The following MAP3K13 variants were observed in gnomAD, a reference collection of about 807,000 sequenced individuals.
MAP3K13 encodes leucine zipper-bearing kinase.
In MAP3K13, 52 loss-of-function variants were observed where a neutral mutation model predicts 104.0. The ratio of observed to expected loss-of-function variants is 0.50; its 90% confidence interval spans 0.40 to 0.63. The LOEUF (loss-of-function observed/expected upper bound fraction) is 0.63. Ranked by LOEUF, MAP3K13 falls within the 20% of genes least tolerant of loss-of-function variation. The pLI, the probability that MAP3K13 is intolerant of heterozygous loss-of-function variation, is 0.00. For synonymous variants in MAP3K13, 394 were observed against 442.2 expected, an observed-to-expected ratio of 0.89 and a Z score of 1.37; for missense variants, 914 against 1,218.5, an observed-to-expected ratio of 0.75 and a Z score of 3.72.
At chr3:185,287,841 G>A (rs1295922225) in intron 2 of MAP3K13, among the ~76,000 whole-genome samples, 1 of 152,100 alleles carries the variant, frequency 6.6e-6, no homozygotes, top group African/African-American at 2.4e-5. Context: ...TTCGAGACCA[G>A]CCTGACAACC....
chr3:185,341,452 C>A (rs1722720158), intron 2 of MAP3K13, among the ~76,000 whole-genome samples: 1 of 152,132 alleles, frequency 6.6e-6, no homozygotes, highest in Admixed American at 6.5e-5. Context: ...GGAGTTCTAG[C>A]CTCTAGAACT....
At position 185,428,942 on chromosome 3, in the gene MAP3K13, A is replaced by G. The variant is rs1214743570; in HGVS notation, c.361A>G (p.Ser121Gly). 1 of 1,614,222 alleles carries G rather than the reference A, an allele frequency of 6.2e-7. No individual in the cohort carries two copies. Among genetic ancestry groups the G allele is most frequent in the Admixed American group, 1.7e-5 (1 of 60,020 alleles). The change falls in exon 2 of 14, where the codon AGC becomes GGC. Residue 121 changes from serine (S) to glycine (G), a missense_variant. Ser to Gly is a moderately conservative substitution (Grantham distance 56). Around this residue, in one of 3 missense-constraint regions of MAP3K13, gnomAD observed 156 missense variants for 159.8 expected, o/e 0.98. Coordinates refer to ENST00000265026, the MANE Select transcript of MAP3K13 (RefSeq NM_004721.5). The stretch of plus-strand genomic sequence containing the variant: ...AACTGAAGACATAAAGATTCAGTTC[A>G]GCAGGTCAGGCAGTGGCAGTGGTGG... ...SGTEDIKIQFSRSGSGSGGFL... is the reference protein window; with the variant it reads ...SGTEDIKIQFGRSGSGSGGFL...
At chr3:185,433,194 A>AT (rs1714845703) in intron 2 of MAP3K13, among the ~76,000 whole-genome samples, 2 of 152,236 alleles carry the variant, frequency 1.3e-5, no homozygotes. Flanking sequence ...AAGTACTGTC[A>AT]TGGCCATGTC....
At chr3:185,317,131 T>C (rs967155599) in intron 2 of MAP3K13, among the ~76,000 whole-genome samples, 8 of 152,186 alleles carry the variant, frequency 5.3e-5, no homozygotes, top group Admixed American at 5.2e-4. Flanking sequence ...ATATGTTCTG[T>C]AGAAACTCAG....
At chr3:185,380,534 C>A (rs942194342) in intron 1 of MAP3K13, among the ~76,000 whole-genome samples, 9 of 149,774 alleles carry the variant, frequency 6.0e-5, no homozygotes, top group Non-Finnish European at 1.0e-4. Context: ...AAAAAGTGCT[C>A]ATTCTCAGGC....
chr3:185,400,905 G>GTTTTTTTTTTTTTTTT (rs71164506), intron 1 of MAP3K13, among the ~76,000 whole-genome samples: 70 of 107,276 alleles, frequency 6.5e-4, no homozygotes, highest in Middle Eastern at 5.4e-3. Flanking sequence ...GTGTTTGTTT[G>GTTTTTTTTTTTTTTTT]TTTTTTTTTT....
chr3:185,482,787 A>AGAT lies in MAP3K13; in HGVS notation c.*332_*334dup, dbSNP rs1477211976. The AGAT allele has an allele frequency of 1.2e-5, 3 of 243,074 alleles. No homozygotes were observed. Among genetic ancestry groups the AGAT allele is most frequent in the Non-Finnish European group, 2.4e-5 (3 of 125,496 alleles). 15.1% of individuals were successfully genotyped at this position (243,074 alleles called of 1,614,324 possible). A position where few individuals can be genotyped will look rare whatever the true frequency, so the allele number is the denominator to read the frequency against. The stretch of plus-strand genomic sequence containing the variant: ...TACTGCAAAGAGTGAACTATATATG[A>AGAT]GATAGAGAGACAATAATTTCTTGCA... On this transcript the variant is annotated 3_prime_UTR_variant, in exon 14 of 14. Transcript: ENST00000265026. This position sits in a 1 kb window ranked among gnomAD's most constrained non-coding sequence, Gnocchi z 4.5.
Position 185,371,662 on chromosome 3 carries a change from A to T in MAP3K13, c.-86+8294A>T, listed in dbSNP as rs145254668. 3.4e-3 allele frequency among the ~76,000 whole-genome samples: 520 copies of T among 152,314 alleles called. 10 individuals are homozygous for T. Among genetic ancestry groups the T allele is most frequent in the Admixed American group, 0.027 (407 of 15,306 alleles). On this transcript the variant is annotated intron_variant, in intron 1 of 13. Coordinates refer to ENST00000265026, the MANE Select transcript of MAP3K13 (RefSeq NM_004721.5). ...GCCAAAGATGAAGGACTGGAGAAAGATGACAGAAAAAAAGGAGAGCAGAGC... is the reference window on the plus strand; with the variant it reads ...GCCAAAGATGAAGGACTGGAGAAAGTTGACAGAAAAAAAGGAGAGCAGAGC...
intron 2 of MAP3K13, among the ~76,000 whole-genome samples, chr3:185,341,901 CAAATCTA>C (rs1360063921): frequency 3.3e-5 from 5 of 152,330 alleles, no homozygotes; most frequent in African/African-American, 1.2e-4. Context: ...ATAAGGCATA[CAAATCTA>C]AAATATTTAC....
rs542788104 is a variant in MAP3K13 at position 185,404,512 on chromosome 3, G to A, written c.-85-23985G>A. On this transcript the variant is annotated intron_variant, in intron 1 of 13. Coordinates refer to ENST00000265026, the MANE Select transcript of MAP3K13 (RefSeq NM_004721.5). ...GGATTGTCCTTAAAAGTTGGGGTTG[G>A]CAATCAGACCAGCTTCATGGGTATG... 4.6e-5 allele frequency among the ~76,000 whole-genome samples: 7 copies of A among 152,162 alleles called. 1 individual carries two copies. The highest frequency in any genetic ancestry group is 7.2e-5 in the African/African-American group (3 of 41,442).
chr3:185,454,988 G>GATATATATATGATATATATGAGAT (rs200877361), intron 7 of MAP3K13, among the ~76,000 whole-genome samples: 2 of 30,494 alleles, frequency 6.6e-5, no homozygotes, highest in African/African-American at 1.9e-4. Context: ...ATATATATGA[G>GATATATATATGATATATATGAGAT]ATATATATGA....
At chr3:185,324,928 G>T (rs1008198104) in intron 2 of MAP3K13, among the ~76,000 whole-genome samples, 2 of 152,168 alleles carry the variant, frequency 1.3e-5, no homozygotes, top group African/African-American at 2.4e-5. Flanking sequence ...CATATTTGAG[G>T]AACTACAAAA....
chr3:185,361,288 G>GA (rs905262247), upstream of MAP3K13, among the ~76,000 whole-genome samples: 8 of 151,372 alleles, frequency 5.3e-5, no homozygotes, highest in East Asian at 3.9e-4. Flanking sequence ...TGTTTTGGAA[G>GA]AAAAAAATGT....
chr3:185,355,579 G>T (rs1723320008), intron 2 of MAP3K13, among the ~76,000 whole-genome samples: 1 of 152,160 alleles, frequency 6.6e-6, no homozygotes, highest in Admixed American at 6.5e-5. Flanking sequence ...AGGTTTCAGT[G>T]AGCTGAGATC....
At chr3:185,396,363 C>G (rs6791214) in intron 1 of MAP3K13, among the ~76,000 whole-genome samples, 106,830 of 150,522 alleles carry the variant, frequency 0.71, 38,132 homozygotes, top group Non-Finnish European at 0.78. Context: ...GAGGAAGACT[C>G]TGTCTCAAAA....
At position 185,455,257 on chromosome 3, in the gene MAP3K13, G is replaced by GATAT. The variant is rs1297923091; in HGVS notation, c.1278+3865_1278+3868dup. 3.2e-3 allele frequency among the ~76,000 whole-genome samples: 59 copies of GATAT among 18,500 alleles called. 15 individuals carry two copies. Among genetic ancestry groups the GATAT allele is most frequent in the African/African-American group, 4.3e-3 (34 of 7,994 alleles). The allele number at this position is 18,500 out of a possible 152,430, so 12.1% of individuals were successfully genotyped here. On this transcript the variant is annotated intron_variant, in intron 7 of 13. Transcript: ENST00000265026. The stretch of plus-strand genomic sequence containing the variant: ...TGAGATATATATATGATATATATGA[G>GATAT]ATATATGAGATATATATGAGATATA...
intron 1 of MAP3K13, among the ~76,000 whole-genome samples, chr3:185,392,530 T>G (rs1712123262): frequency 6.6e-6 from 1 of 152,158 alleles, no homozygotes; most frequent in African/African-American, 2.4e-5. Context: ...GGCAGTGAAT[T>G]CAGAGAACTG....
chr3:185,399,908 C>T (rs1368302251), intron 1 of MAP3K13, among the ~76,000 whole-genome samples: 2 of 151,982 alleles, frequency 1.3e-5, no homozygotes, highest in Non-Finnish European at 2.9e-5. Context: ...TTGAATCCTC[C>T]ACACCAGAAA....
At position 185,307,546 on chromosome 3, in the gene MAP3K13, CT is replaced by C. The variant is rs1487823792; in HGVS notation, c.-86+21904del. Among the ~76,000 whole-genome samples, 187 of 104,070 alleles carry C rather than the reference CT, an allele frequency of 1.8e-3. 22 individuals carry two copies. The highest frequency in any genetic ancestry group is 6.2e-3 in the African/African-American group (151 of 24,348). 68.3% of individuals were successfully genotyped at this position (104,070 alleles called of 152,430 possible). On this transcript the variant is annotated intron_variant, in intron 2 of 14. Transcript: ENST00000424227. ...TAATTTCCATTTGGTGCACCACCCCCTCCCCCGCCACCCCGAGATGCAGTCT... is the reference window on the plus strand; with the variant it reads ...TAATTTCCATTTGGTGCACCACCCCCCCCCCGCCACCCCGAGATGCAGTCT...
Sources: allele counts gnomAD v4.1 joint callset (sites outside exome capture counted in the v4.1 genomes callset), GRCh38; gene constraint gnomAD v4.1.1; regional missense constraint gnomAD v4.1.1; non-coding constraint Gnocchi (gnomAD v3.1); transcripts MANE v1.5; gene names NCBI Gene and HGNC (gene_info 2026-07-23, HGNC 2026-07-21).